ABCC1: variants seen among roughly 807,000 people sequenced by gnomAD.
The protein encoded by ABCC1 is multidrug resistance-associated protein 1.
Under a neutral mutation model 172.9 loss-of-function variants are expected in ABCC1, and 83 were observed. That is an observed-to-expected ratio of 0.48 (90% CI 0.40 to 0.58). The LOEUF is 0.58. Ranked by LOEUF, ABCC1 falls within the 20% of genes least tolerant of loss-of-function variation. ABCC1 has a pLI of 0.00. For missense variants in ABCC1, 1,817 were observed against 2,002.7 expected (o/e 0.91, Z 1.77); for synonymous variants, 937 against 825.2 (o/e 1.14, Z -2.32).
chr16:16,106,577 G>GA (rs397696622), intron 20 of ABCC1, 161 bp from the exon 21 acceptor site: 4 of 771,874 alleles, frequency 5.2e-6, no homozygotes, highest in Non-Finnish European at 8.1e-6. Flanking sequence ...ACATGGTGGG[G>GA]TGTGGTGCAT....
At chr16:16,016,128 T>G (rs2047984018) in intron 4 of ABCC1, among the ~76,000 whole-genome samples, 2 of 148,706 alleles carry the variant, frequency 1.3e-5, no homozygotes, top group Non-Finnish European at 3.0e-5. Context: ...TTCTGCCACC[T>G]GCTCTCAGAA....
chr16:16,087,843 A>G (rs1285129266), intron 18 of ABCC1, among the ~76,000 whole-genome samples: 2 of 152,254 alleles, frequency 1.3e-5, no homozygotes, highest in East Asian at 1.9e-4. Context: ...GGAAGCAGTT[A>G]CACACATTCC....
intron 21 of ABCC1, among the ~76,000 whole-genome samples, chr16:16,110,799 T>C (rs977592304): frequency 3.2e-4 from 49 of 152,214 alleles, no homozygotes; most frequent in Non-Finnish European, 7.3e-5. Flanking sequence ...TTGTGCACCG[T>C]TTACAGCCCT....
chr16:16,100,543 G>A (rs1051735115), intron 19 of ABCC1, among the ~76,000 whole-genome samples: 1 of 152,242 alleles, frequency 6.6e-6, no homozygotes, highest in Non-Finnish European at 1.5e-5. Flanking sequence ...CTTCCTGGGT[G>A]ATGTGGCTAT....
chr16:16,068,547 C>A (rs1456017911), intron 13 of ABCC1, among the ~76,000 whole-genome samples: 2 of 152,194 alleles, frequency 1.3e-5, no homozygotes, highest in Non-Finnish European at 2.9e-5. Context: ...CTTTCCCATG[C>A]TCTGGAAGAA....
At chr16:16,107,947 A>C (rs1301848654) in intron 21 of ABCC1, among the ~76,000 whole-genome samples, 1 of 151,334 alleles carries the variant, frequency 6.6e-6, no homozygotes, top group Non-Finnish European at 1.5e-5. Flanking sequence ...ACTTTCTCTT[A>C]GATCTGCCCG....
chr16:16,116,048 G>A (rs1262177075), intron 23 of ABCC1, among the ~76,000 whole-genome samples: 14 of 151,264 alleles, frequency 9.3e-5, no homozygotes, highest in Middle Eastern at 3.5e-3. Context: ...GACTACAGGC[G>A]CCCGCCACTA....
At chr16:16,078,478 G>T (rs55643173) in intron 15 of ABCC1, among the ~76,000 whole-genome samples, 1 of 152,118 alleles carries the variant, frequency 6.6e-6, no homozygotes, top group Non-Finnish European at 1.5e-5. Context: ...CCCTTTGGTG[G>T]CTCCCGGCTG....
At chr16:16,076,751 A>G (rs995017663) in intron 15 of ABCC1, among the ~76,000 whole-genome samples, 6 of 151,768 alleles carry the variant, frequency 4.0e-5, no homozygotes, top group African/African-American at 1.5e-4. Context: ...CTTTCTTCAT[A>G]TTTTCTGTGT....
At chr16:16,060,652 G>T (rs1399037478) in intron 12 of ABCC1, among the ~76,000 whole-genome samples, 1 of 151,852 alleles carries the variant, frequency 6.6e-6, no homozygotes, top group East Asian at 1.9e-4. Flanking sequence ...CCCCCGACTA[G>T]CTGGGATTAC....
chr16:16,048,317 G>A lies in ABCC1; in HGVS notation c.1380+14G>A, dbSNP rs749909787. On this transcript the variant is annotated intron_variant, in intron 10 of 30. Coordinates refer to ENST00000399410, the MANE Select transcript of ABCC1 (RefSeq NM_004996.4). ...CTCCTGTGGCTGGTGTGTGTTTAAC[G>A]CCGTTTCCCTTTGCATGCAGGGAGG... The A allele has an allele frequency of 4.3e-6, 7 of 1,613,316 alleles. No homozygotes were observed. The highest frequency in any genetic ancestry group is 1.7e-4 in the Middle Eastern group (1 of 6,058).
At chr16:16,110,303 C>T (rs749302858) in intron 21 of ABCC1, among the ~76,000 whole-genome samples, 2 of 152,118 alleles carry the variant, frequency 1.3e-5, no homozygotes, top group Non-Finnish European at 2.9e-5. Flanking sequence ...AGGCTGGTCT[C>T]GGATTCCTGA....
chr16:16,022,967 AGTG>A (rs1173749500), intron 5 of ABCC1, among the ~76,000 whole-genome samples: 2 of 152,310 alleles, frequency 1.3e-5, no homozygotes, highest in African/African-American at 4.8e-5. Flanking sequence ...ACTAGAGTGC[AGTG>A]GTGTGATCAT....
At chr16:15,975,561 T>C (rs1165948203) in intron 1 of ABCC1, among the ~76,000 whole-genome samples, 1 of 26,074 alleles carries the variant, frequency 3.8e-5, no homozygotes, top group Non-Finnish European at 1.8e-4. Flanking sequence ...TTTTTTTTGT[T>C]TTTTTTTGTT....
chr16:16,079,634 C>T (rs941516059), intron 16 of ABCC1, among the ~76,000 whole-genome samples, 156 bp downstream of exon 16: 6 of 152,088 alleles, frequency 3.9e-5, no homozygotes, highest in African/African-American at 1.4e-4. Context: ...CTGTCTCTTT[C>T]TCTCTCGTTC....
At chr16:16,118,027 T>C (rs2044974406) in intron 23 of ABCC1, among the ~76,000 whole-genome samples, 1 of 152,248 alleles carries the variant, frequency 6.6e-6, no homozygotes, top group African/African-American at 2.4e-5. Context: ...ATGTGGTTTC[T>C]TAGGATATCG....
intron 30 of ABCC1, among the ~76,000 whole-genome samples, chr16:16,138,835 G>A (rs939975118): frequency 9.3e-5 from 14 of 149,852 alleles, no homozygotes; most frequent in South Asian, 4.2e-4. Flanking sequence ...TCAGACTCCC[G>A]AATAGCTGGA....
chr16:16,093,947 T>C (rs2051355606), intron 19 of ABCC1, among the ~76,000 whole-genome samples: 1 of 150,434 alleles, frequency 6.6e-6, no homozygotes, highest in African/African-American at 2.4e-5. Flanking sequence ...TTCTAAGAAA[T>C]ATATCTTTTT....
chr16:16,109,244 A>G (rs1190472938), intron 21 of ABCC1, among the ~76,000 whole-genome samples: 2 of 151,972 alleles, frequency 1.3e-5, no homozygotes, highest in Non-Finnish European at 2.9e-5. Context: ...TGGTGTGACC[A>G]ACGCTCACTG....
Sources: allele counts gnomAD v4.1 joint callset (sites outside exome capture counted in the v4.1 genomes callset), GRCh38; gene constraint gnomAD v4.1.1; transcripts MANE v1.5; gene names NCBI Gene and HGNC (gene_info 2026-07-23, HGNC 2026-07-21).